Variants in RTBDN observed in about 807,000 individuals in gnomAD.
The protein encoded by RTBDN is retbindin.
Under a neutral mutation model 21.9 loss-of-function variants are expected in RTBDN, and 24 were observed. That is an observed-to-expected ratio of 1.10 (90% CI 0.79 to 1.54). RTBDN has a LOEUF of 1.54. Among genes scored for constraint, RTBDN ranks in the 40% most tolerant of loss-of-function variants. The pLI, the probability that RTBDN is intolerant of heterozygous loss-of-function variation, is 0.00. For missense variants in RTBDN, 325 were observed against 315.2 expected, an observed-to-expected ratio of 1.03 and a Z score of -0.23; for synonymous variants, 141 against 125.9, an observed-to-expected ratio of 1.12 and a Z score of -0.80.
Position 12,830,957 on chromosome 19 carries a change from C to A in RTBDN, c.-18-960G>T, listed in dbSNP as rs1969549567. On this transcript the variant is annotated intron_variant, in intron 1 of 5. Transcript: ENST00000674343. The surrounding 1 kb of genome is among the most constrained non-coding windows in gnomAD (Gnocchi z 4.2). ...TTTGTGTGGCTGTGTGTGTGTTGAG[C>A]ATGTATGTGTGTTTTTGTTGTATGA... 7.7e-6 allele frequency among the ~76,000 whole-genome samples: 1 copy of A among 130,448 alleles called. No homozygotes were observed. The highest frequency in any genetic ancestry group is 1.6e-5 in the Non-Finnish European group (1 of 63,036). 85.6% of individuals were successfully genotyped at this position (130,448 alleles called of 152,430 possible).
intron 1 of RTBDN, among the ~76,000 whole-genome samples, chr19:12,833,275 C>T (rs1457474287): frequency 6.6e-6 from 1 of 152,076 alleles, no homozygotes; most frequent in Admixed American, 6.5e-5. Context: ...TCTCCTGGGG[C>T]TGTAGAGGTC....
chr19:12,826,065 A>T, intron 5 of RTBDN, 132 bp from the exon 6 acceptor site: 1 of 1,415,966 alleles, frequency 7.1e-7, no homozygotes, highest in Non-Finnish European at 9.2e-7. Context: ...CTGGGAGTCT[A>T]TGTGCGGAAC....
intron 4 of RTBDN, among the ~76,000 whole-genome samples, chr19:12,828,425 G>C (rs1187719258): frequency 7.1e-6 from 1 of 141,028 alleles, no homozygotes; most frequent in East Asian, 2.0e-4. Context: ...GAAAAGAAAA[G>C]AAATCGCAGG....
upstream of RTBDN, chr19:12,834,594 C>A (rs1051415524): frequency 1.6e-5 from 25 of 1,516,360 alleles, no homozygotes; most frequent in Non-Finnish European, 2.0e-5. The surrounding 1 kb of genome is among the most constrained non-coding windows in gnomAD (Gnocchi z 4.7). Context: ...GCCCCCCCAC[C>A]GCGATCCTCA....
chr19:12,831,812 G>T (rs1969583882), intron 1 of RTBDN, among the ~76,000 whole-genome samples: 3 of 152,236 alleles, frequency 2.0e-5, no homozygotes, highest in Admixed American at 2.0e-4. Context: ...CATCCCTGCA[G>T]AGGGTATGGG....
chr19:12,834,458 A>T lies in RTBDN; in HGVS notation c.-19+31T>A. ...TCACCACCCCAGGAGCCCCCTCCCG[A>T]GGCATAGGACGCCCTGCGTCCCCCA... is the stretch of plus-strand genomic sequence containing the variant. On this transcript the variant is annotated intron_variant, in intron 1 of 5. Coordinates refer to ENST00000674343, the MANE Select transcript of RTBDN (RefSeq NM_001270441.2). The surrounding 1 kb of genome is among the most constrained non-coding windows in gnomAD (Gnocchi z 4.7). 6.7e-7 allele frequency: 1 copy of T among 1,501,636 alleles called. No individual in the cohort carries two copies. Among genetic ancestry groups the T allele is most frequent in the South Asian group, 1.2e-5 (1 of 83,450 alleles). 93.0% of individuals were successfully genotyped at this position (1,501,636 alleles called of 1,614,324 possible). A position where few individuals can be genotyped will look rare whatever the true frequency, so the allele number is the denominator to read the frequency against.
intron 4 of RTBDN, 81 bp from the exon 5 acceptor site, chr19:12,826,952 A>C: frequency 1.0e-6 from 1 of 968,330 alleles, no homozygotes; most frequent in Non-Finnish European, 1.6e-6. Flanking sequence ...GACTGTGTTC[A>C]CTATATGCCC....
upstream of RTBDN, chr19:12,835,151 AT>A: frequency 6.3e-7 from 1 of 1,584,962 alleles, no homozygotes; most frequent in Non-Finnish European, 8.7e-7. Flanking sequence ...AGGGGAGCTG[AT>A]TGGTCAGTGC....
At chr19:12,826,465 G>T in intron 5 of RTBDN, 1 of 1,168,782 alleles carries the variant, frequency 8.6e-7, no homozygotes, top group Non-Finnish European at 1.1e-6. Flanking sequence ...AGGCCGAGGT[G>T]GGCGGATCAC....
chr19:12,828,881 A>G lies in RTBDN; in HGVS notation c.242T>C (p.Val81Ala). ...GTGCTGTACTCACTCAGGGCTCGGCACTCCACAGCGTTCTGGATGGTTTCC... is the reference window on the plus strand; with the variant it reads ...GTGCTGTACTCACTCAGGGCTCGGCGCTCCACAGCGTTCTGGATGGTTTCC... ...GPGNHPERCG[V>A]PSPECESFLE... is the part of the protein sequence containing the mutation. The change falls in exon 3 of 6, where the codon GTG becomes GCG. Residue 81 changes from valine to alanine, a missense_variant. Val to Ala is a moderately conservative substitution (Grantham distance 64, BLOSUM62 0). Transcript: ENST00000674343. 6.2e-7 allele frequency: 1 copy of G among 1,614,074 alleles called. No individual in the cohort carries two copies. Among genetic ancestry groups the G allele is most frequent in the Non-Finnish European group, 8.5e-7 (1 of 1,179,994 alleles).
At chr19:12,826,154 G>C (rs1163175573) in intron 5 of RTBDN, 19 of 1,382,518 alleles carry the variant, frequency 1.4e-5, no homozygotes, top group Admixed American at 1.0e-4. Flanking sequence ...GGGGCAGTTG[G>C]GGGGCGCGCA....
chr19:12,834,781 C>G, upstream of RTBDN: 1 of 1,614,002 alleles, frequency 6.2e-7, no homozygotes, highest in Non-Finnish European at 8.5e-7. The surrounding 1 kb of genome is among the most constrained non-coding windows in gnomAD (Gnocchi z 4.7). Context: ...TCAGGAGCTC[C>G]TACCTCCAAG....
At chr19:12,829,144 C>A in intron 2 of RTBDN, 191 bp from the exon 3 acceptor site, 1 of 938,282 alleles carries the variant, frequency 1.1e-6, no homozygotes, top group East Asian at 2.7e-5. Flanking sequence ...TTATAATAAT[C>A]AACTTACTTG....
chr19:12,833,933 T>G (rs1020354342), intron 1 of RTBDN: 4 of 273,890 alleles, frequency 1.5e-5, no homozygotes. Flanking sequence ...ACCTCCCTCC[T>G]CCCTCCCCGG....
chr19:12,831,972 G>A (rs1316492034), intron 1 of RTBDN, among the ~76,000 whole-genome samples: 4 of 152,130 alleles, frequency 2.6e-5, no homozygotes, highest in Non-Finnish European at 5.9e-5. Flanking sequence ...TGTTTGCATT[G>A]GATGACTGTG....
Position 12,829,946 on chromosome 19 carries a change from G to A in RTBDN, c.34C>T (p.Leu12=), listed in dbSNP as rs1194008098. The A allele has an allele frequency of 1.9e-6, 3 of 1,613,972 alleles. No homozygotes were observed. The South Asian group carries it at 3.3e-5, about 18-fold the overall frequency. The change falls in exon 2 of 6, where the codon CTG becomes TTG. Residue 12 remains leucine (L), a synonymous_variant. Transcript: ENST00000674343. ...AAGGTCAGTTGCAGCACCCACGTCA[G>A]GCCGATGGGTCGCATGTGGACCCTG... is the stretch of plus-strand genomic sequence containing the variant. ...DCRVHMRPIG[L]TWVLQLTLAW...
At chr19:12,828,440 T>C (rs1004281559) in intron 4 of RTBDN, among the ~76,000 whole-genome samples, 16 of 148,856 alleles carry the variant, frequency 1.1e-4, no homozygotes, top group African/African-American at 3.8e-4. Flanking sequence ...CGCAGGGCTA[T>C]GAAAAGCCAC....
chr19:12,835,274 A>C (rs1969714284), upstream of RTBDN: 1 of 643,388 alleles, frequency 1.6e-6, no homozygotes, highest in Non-Finnish European at 2.8e-6. Context: ...AGATGGCCCG[A>C]TCTCCGGAGC....
chr19:12,828,407 G>GAAAGAAAGAAAAGAA (rs144312941), intron 4 of RTBDN, among the ~76,000 whole-genome samples: 9,881 of 151,472 alleles, frequency 0.065, 430 homozygotes, highest in African/African-American at 0.11. Flanking sequence ...AAAAAAAAAA[G>GAAAGAAAGAAAAGAA]AAAGAAAGAA....
Sources: gnomAD v4.1 joint callset for allele counts (sites outside exome capture counted in the v4.1 genomes callset) on GRCh38, gnomAD v4.1.1 for gene constraint, Gnocchi (gnomAD v3.1) non-coding constraint, MANE v1.5 for transcripts, NCBI Gene and HGNC (gene_info 2026-07-23, HGNC 2026-07-21) for gene names.